B4GALT5: variants seen among roughly 807,000 people sequenced by gnomAD.
The protein encoded by B4GALT5 is beta-1,4-galactosyltransferase 5.
In B4GALT5, 11 loss-of-function variants were observed where a neutral mutation model predicts 45.0. The ratio of observed to expected loss-of-function variants is 0.24; its 90% CI spans 0.15 to 0.40. The LOEUF (loss-of-function observed/expected upper bound fraction) is 0.40, where lower values mean the gene tolerates loss of function less well. Among genes scored for constraint, B4GALT5 ranks in the 10% least tolerant of loss-of-function variants. The pLI, the probability that B4GALT5 is intolerant of heterozygous loss-of-function variation, is 1.00. For synonymous variants in B4GALT5, 185 were observed against 182.9 expected, an observed-to-expected ratio of 1.01 and a Z score of -0.09; for missense variants, 337 against 500.2, an observed-to-expected ratio of 0.67 and a Z score of 3.11.
intron 1 of B4GALT5, among the ~76,000 whole-genome samples, chr20:49,708,496 T>C (rs1168854219): frequency 6.6e-6 from 1 of 152,162 alleles, no homozygotes; most frequent in Non-Finnish European, 1.5e-5. Context: ...TCAGGTAAGA[T>C]TAGAATTACT....
At chr20:49,685,805 G>A (rs1490053134) in intron 1 of B4GALT5, among the ~76,000 whole-genome samples, 4 of 151,592 alleles carry the variant, frequency 2.6e-5, no homozygotes, top group Non-Finnish European at 4.4e-5. Context: ...AAAACCTCAC[G>A]TTATTAGACA....
At chr20:49,681,216 T>TAAA (rs10628956) in intron 1 of B4GALT5, among the ~76,000 whole-genome samples, 8,310 of 72,230 alleles carry the variant, frequency 0.12, 724 homozygotes, top group East Asian at 0.19. Flanking sequence ...ACCCCATCTC[T>TAAA]AAAAAAAAAA....
chr20:49,663,690 A>AAATATAT (rs1555812124), intron 1 of B4GALT5, among the ~76,000 whole-genome samples: 4 of 96,946 alleles, frequency 4.1e-5, no homozygotes, highest in African/African-American at 1.3e-4. Flanking sequence ...AAAAAAAAAA[A>AAATATAT]ATATATACAT....
intron 1 of B4GALT5, among the ~76,000 whole-genome samples, chr20:49,707,489 C>T (rs1373404257): frequency 2.0e-5 from 3 of 151,216 alleles, no homozygotes; most frequent in Non-Finnish European, 4.4e-5. Context: ...CTGAGGGATT[C>T]AGAGGGCTTT....
At chr20:49,656,210 C>A (rs1377688689) in intron 2 of B4GALT5, among the ~76,000 whole-genome samples, 3 of 152,182 alleles carry the variant, frequency 2.0e-5, no homozygotes, top group Non-Finnish European at 4.4e-5. Flanking sequence ...ACCATACACA[C>A]AGGCTTCCCC....
chr20:49,697,457 C>A (rs374328877), intron 1 of B4GALT5, among the ~76,000 whole-genome samples: 1 of 152,358 alleles, frequency 6.6e-6, no homozygotes, highest in East Asian at 1.9e-4. Flanking sequence ...GGCTTCAACC[C>A]TCCTCTACCT....
At chr20:49,640,410 T>C (rs1035137982) in intron 6 of B4GALT5, 68 bp downstream of exon 6, 1 of 1,411,628 alleles carries the variant, frequency 7.1e-7, no homozygotes, top group Non-Finnish European at 9.4e-7. Context: ...GCTAATTAGA[T>C]TTCCTTTTCA....
rs1028420271 is a variant in B4GALT5, at chr20:49,635,274, G to A, written c.*1038C>T. 3.7e-5 allele frequency: 5 copies of A among 133,676 alleles called. No homozygotes were observed. The highest frequency in any genetic ancestry group is 7.6e-5 in the Non-Finnish European group (5 of 65,868). 8.3% of individuals were successfully genotyped at this position (133,676 alleles called of 1,614,324 possible). On this transcript the variant is annotated 3_prime_UTR_variant, in exon 9 of 9. Coordinates refer to ENST00000371711, the MANE Select transcript of B4GALT5 (RefSeq NM_004776.4). ...CCATGCTGATGAAAAGACAGAACAC[G>A]AAGCCTGGAGAGCCAGAGATGTGTG... is the stretch of plus-strand genomic sequence containing the variant.
rs1163631175 is a variant in B4GALT5, at chr20:49,633,516, C to G, written c.*2796G>C. On this transcript the variant is annotated 3_prime_UTR_variant, in exon 9 of 9. Transcript: ENST00000371711. ...CTGTACGTTTTTAACTATGACATTT[C>G]CCATATGATATTCGAGGCCTGGTGG... 2 of 151,336 alleles carry G rather than the reference C, an allele frequency of 1.3e-5. No homozygotes were observed. The highest frequency in any genetic ancestry group is 4.9e-5 in the African/African-American group (2 of 41,072). 9.4% of individuals were successfully genotyped at this position (151,336 alleles called of 1,614,324 possible).
intron 1 of B4GALT5, among the ~76,000 whole-genome samples, chr20:49,690,413 G>A (rs1031399810): frequency 6.6e-6 from 1 of 152,060 alleles, no homozygotes; most frequent in Non-Finnish European, 1.5e-5. Flanking sequence ...GCCAGGCATG[G>A]TGGTGCATGC....
At chr20:49,678,497 G>A (rs556260338) in intron 1 of B4GALT5, among the ~76,000 whole-genome samples, 2 of 152,294 alleles carry the variant, frequency 1.3e-5, no homozygotes, top group Non-Finnish European at 2.9e-5. Context: ...GAGTCCCTAC[G>A]TGGTGGTGTG....
At chr20:49,700,415 G>A (rs2085856887) in intron 1 of B4GALT5, among the ~76,000 whole-genome samples, 1 of 152,120 alleles carries the variant, frequency 6.6e-6, no homozygotes, top group South Asian at 2.1e-4. Flanking sequence ...AGGCTCATGC[G>A]ATCCCAAGTA....
At chr20:49,695,603 G>A (rs1179132910) in intron 1 of B4GALT5, among the ~76,000 whole-genome samples, 2 of 152,082 alleles carry the variant, frequency 1.3e-5, no homozygotes, top group East Asian at 3.9e-4. Context: ...TAGAGATGGG[G>A]TTTCACCACA....
At chr20:49,657,034 T>G (rs911242352) in intron 1 of B4GALT5, among the ~76,000 whole-genome samples, 1 of 151,958 alleles carries the variant, frequency 6.6e-6, no homozygotes, top group Non-Finnish European at 1.5e-5. Flanking sequence ...TATGAATTAG[T>G]TAAAACTTTT....
chr20:49,643,110 C>T (rs965425278), intron 4 of B4GALT5, among the ~76,000 whole-genome samples: 1 of 152,234 alleles, frequency 6.6e-6, no homozygotes, highest in Non-Finnish European at 1.5e-5. Flanking sequence ...CTACTGATGT[C>T]TTCTGACTAT....
intron 1 of B4GALT5, among the ~76,000 whole-genome samples, chr20:49,707,358 T>C (rs1489440574): frequency 3.3e-5 from 5 of 151,494 alleles, no homozygotes; most frequent in African/African-American, 4.9e-5. Flanking sequence ...AGAGTGCATG[T>C]GGATTTGGAG....
At chr20:49,699,577 C>T (rs564694852) in intron 1 of B4GALT5, among the ~76,000 whole-genome samples, 33 of 152,134 alleles carry the variant, frequency 2.2e-4, no homozygotes, top group Non-Finnish European at 4.1e-4. Context: ...AAATACATTG[C>T]TTTTTCCTAT....
intron 1 of B4GALT5, among the ~76,000 whole-genome samples, chr20:49,679,531 C>T (rs138074893): frequency 0.02 from 2,970 of 151,804 alleles, 105 homozygotes; most frequent in African/African-American, 0.069. Context: ...AAAAAATTAG[C>T]CAGGCGTGGT....
intron 1 of B4GALT5, among the ~76,000 whole-genome samples, chr20:49,690,408 G>A (rs2085805405): frequency 6.6e-6 from 1 of 152,050 alleles, no homozygotes; most frequent in Admixed American, 6.6e-5. Context: ...AAATAGCCAG[G>A]CATGGTGGTG....
Sources: allele counts gnomAD v4.1 joint callset (sites outside exome capture counted in the v4.1 genomes callset), GRCh38; gene constraint gnomAD v4.1.1; transcripts MANE v1.5; gene names NCBI Gene and HGNC (gene_info 2026-07-23, HGNC 2026-07-21).